NPEPPS: variants seen among roughly 807,000 people sequenced by gnomAD.
NPEPPS encodes puromycin-sensitive aminopeptidase.
In NPEPPS, 14 loss-of-function variants were observed where a neutral mutation model predicts 115.5. That is an observed-to-expected ratio of 0.12 (90% CI 0.08 to 0.19). The LOEUF (loss-of-function observed/expected upper bound fraction) is 0.19, where lower values mean the gene tolerates loss of function less well. Ranked by LOEUF, NPEPPS falls within the 10% of genes least tolerant of loss-of-function variation. The pLI is 1.00. For missense variants in NPEPPS, 523 were observed against 1,110.8 expected (o/e 0.47, Z 7.52); for synonymous variants, 285 against 390.6 (o/e 0.73, Z 3.19).
At chr17:47,533,534 A>G (rs916955850) in intron 1 of NPEPPS, among the ~76,000 whole-genome samples, 6 of 152,174 alleles carry the variant, frequency 3.9e-5, no homozygotes, top group African/African-American at 7.2e-5. Context: ...TCTTTACCCT[A>G]TTAGTTGCCA....
At chr17:47,615,661 T>C (rs1281197573) in intron 19 of NPEPPS, among the ~76,000 whole-genome samples, 3 of 152,226 alleles carry the variant, frequency 2.0e-5, no homozygotes, top group Non-Finnish European at 4.4e-5. Context: ...ATAAATGATA[T>C]GTATGAAATG....
intron 1 of NPEPPS, among the ~76,000 whole-genome samples, chr17:47,536,345 T>A (rs913469123): frequency 9.2e-5 from 14 of 151,788 alleles, no homozygotes; most frequent in Middle Eastern, 6.3e-3. Context: ...TATTGTCAAT[T>A]CTGTGTTACA....
chr17:47,535,832 C>CTTTTT (rs553790964), intron 1 of NPEPPS, among the ~76,000 whole-genome samples: 6 of 100,988 alleles, frequency 5.9e-5, no homozygotes, highest in Non-Finnish European at 8.2e-5. Context: ...ATTGGGTATT[C>CTTTTT]TTTTTTTTTT....
At chr17:47,600,393 G>A (rs1156471137) in intron 14 of NPEPPS, among the ~76,000 whole-genome samples, 1 of 152,180 alleles carries the variant, frequency 6.6e-6, no homozygotes, top group Non-Finnish European at 1.5e-5. Context: ...CCGTGATTGT[G>A]CCATTGCATT....
intron 3 of NPEPPS, among the ~76,000 whole-genome samples, chr17:47,572,991 G>A (rs1379899842): frequency 6.6e-6 from 1 of 152,132 alleles, no homozygotes; most frequent in African/African-American, 2.4e-5. Flanking sequence ...GGCCAGGCTG[G>A]TCTCGAACTC....
intron 13 of NPEPPS, among the ~76,000 whole-genome samples, chr17:47,598,335 A>C (rs946114913): frequency 1.3e-5 from 2 of 152,098 alleles, no homozygotes; most frequent in Non-Finnish European, 2.9e-5. Flanking sequence ...CTAGCTGGGC[A>C]TGGTGGCACG....
At chr17:47,609,775 T>C (rs1186688816) in intron 17 of NPEPPS, among the ~76,000 whole-genome samples, 1 of 152,328 alleles carries the variant, frequency 6.6e-6, no homozygotes, top group East Asian at 1.9e-4. Context: ...TTCACCTAGA[T>C]TAATATTTAT....
intron 15 of NPEPPS, 109 bp downstream of exon 15, chr17:47,601,856 T>A: frequency 2.5e-6 from 3 of 1,178,996 alleles, no homozygotes; most frequent in East Asian, 2.5e-5. Flanking sequence ...AAACCTAAAC[T>A]TTTCTTTGTG....
At chr17:47,582,175 T>G (rs980679225) in intron 4 of NPEPPS, 3 of 153,340 alleles carry the variant, frequency 2.0e-5, no homozygotes, top group Non-Finnish European at 4.4e-5. Context: ...GAGTAAGGAC[T>G]CAAGTAGGTC....
intron 1 of NPEPPS, among the ~76,000 whole-genome samples, chr17:47,543,364 G>A (rs1030179511): frequency 6.6e-6 from 1 of 151,188 alleles, no homozygotes; most frequent in Non-Finnish European, 1.5e-5. Flanking sequence ...TGTTGCCCAG[G>A]CTGGAGTGCA....
At chr17:47,567,070 A>T (rs1237162952) in intron 2 of NPEPPS, among the ~76,000 whole-genome samples, 2 of 152,138 alleles carry the variant, frequency 1.3e-5, no homozygotes, top group Non-Finnish European at 2.9e-5. Context: ...ACAAAGTGAG[A>T]TCCTGTCTCA....
chr17:47,603,876 A>G, intron 15 of NPEPPS, 39 bp from the exon 16 acceptor site: 2 of 1,551,164 alleles, frequency 1.3e-6, no homozygotes, highest in Non-Finnish European at 1.7e-6. Context: ...TAAAAAATTA[A>G]TGGAGCTGTT....
chr17:47,576,815 T>C (rs1567854794), intron 3 of NPEPPS, among the ~76,000 whole-genome samples: 1 of 152,118 alleles, frequency 6.6e-6, no homozygotes, highest in Non-Finnish European at 1.5e-5. Flanking sequence ...TGGTGTAAAT[T>C]ATGTGTGTTG....
At chr17:47,527,072 T>C (rs1173286541), upstream of NPEPPS, among the ~76,000 whole-genome samples, 1 of 152,220 alleles carries the variant, frequency 6.6e-6, no homozygotes, top group Admixed American at 6.5e-5. Context: ...CTGCCAATTA[T>C]TAGTGTATGA....
At chr17:47,541,889 G>A (rs938745348) in intron 1 of NPEPPS, among the ~76,000 whole-genome samples, 35 of 152,162 alleles carry the variant, frequency 2.3e-4, no homozygotes, top group African/African-American at 8.2e-4. Flanking sequence ...TTTATGAGAA[G>A]CATTTTTTTT....
Position 47,619,774 on chromosome 17 carries a change from G to A in NPEPPS, c.2597G>A (p.Gly866Glu), listed in dbSNP as rs748809162. The change falls in exon 22 of 23, where the codon GGA (glycine) becomes GAA (glutamate). Residue 866 changes from glycine (G) to glutamate (E), a missense_variant. By Grantham distance (98) the Gly-to-Glu change is moderately conservative. Around this residue, in one of 4 missense-constraint regions of NPEPPS, gnomAD observed 372 missense variants for 542.6 expected, o/e 0.69. Coordinates refer to ENST00000322157, the MANE Select transcript of NPEPPS (RefSeq NM_006310.4). Reference protein sequence around the residue: ...VEGFAVDKMAGEVKAFFESHP... With the variant: ...VEGFAVDKMAEEVKAFFESHP... ...GGATTTGCAGTTGATAAAATGGCTG[G>A]AGAGGTTAAGGTAAGGAAAATACTG... 5 of 1,612,832 alleles carry A rather than the reference G, an allele frequency of 3.1e-6. No individual in the cohort carries two copies. The highest frequency in any genetic ancestry group is 1.3e-5 in the African/African-American group (1 of 74,880).
Position 47,623,182 on chromosome 17 carries a change from T to C in NPEPPS, c.*1262T>C, listed in dbSNP as rs1914700840. The C allele has an allele frequency of 5.7e-6, 1 of 174,714 alleles. No homozygotes were observed. 10.8% of individuals were successfully genotyped at this position (174,714 alleles called of 1,614,324 possible). ...ACGGTATTTCAGAAGGTCATCAGAT[T>C]GTGAGACTGCTTCCTTGAAACATTT... On this transcript the variant is annotated 3_prime_UTR_variant, in exon 23 of 23. Coordinates refer to ENST00000322157, the MANE Select transcript of NPEPPS (RefSeq NM_006310.4).
intron 19 of NPEPPS, among the ~76,000 whole-genome samples, chr17:47,616,683 C>CAAAAA (rs751616382): frequency 1.0e-5 from 1 of 95,666 alleles, no homozygotes; most frequent in Non-Finnish European, 2.1e-5. Flanking sequence ...GACTCCGTCT[C>CAAAAA]AAAAAAAAAA....
At chr17:47,565,038 G>A (rs1910712136) in intron 2 of NPEPPS, among the ~76,000 whole-genome samples, 1 of 152,104 alleles carries the variant, frequency 6.6e-6, no homozygotes, top group African/African-American at 2.4e-5. Flanking sequence ...CACACTATGT[G>A]CCAGAAACTG....
Sources: gnomAD v4.1 joint callset for allele counts (sites outside exome capture counted in the v4.1 genomes callset) on GRCh38, gnomAD v4.1.1 for gene constraint, gnomAD v4.1.1 regional missense constraint, MANE v1.5 for transcripts, NCBI Gene and HGNC (gene_info 2026-07-23, HGNC 2026-07-21) for gene names.